PDSS1: variants seen among roughly 807,000 people sequenced by gnomAD.
PDSS1 encodes the protein all trans-polyprenyl-diphosphate synthase PDSS1.
A neutral mutation model predicts 57.5 loss-of-function variants in PDSS1; 43 were observed. The observed-to-expected ratio is 0.75, with a 90% CI of 0.59 to 0.96. The LOEUF is 0.96. Among genes scored for constraint, PDSS1 ranks in the 50% least tolerant of loss-of-function variants. The pLI, the probability that PDSS1 is intolerant of heterozygous loss-of-function variation, is 0.00. For missense variants in PDSS1, 438 were observed against 527.8 expected (o/e 0.83, Z 1.67); for synonymous variants, 175 against 191.3 (o/e 0.91, Z 0.70).
At chr10:26,726,529 C>T (rs914039841) in intron 8 of PDSS1, among the ~76,000 whole-genome samples, 1 of 151,954 alleles carries the variant, frequency 6.6e-6, no homozygotes, top group Non-Finnish European at 1.5e-5. Context: ...TAAATGCATG[C>T]AAAGCAAATT....
intron 10 of PDSS1, among the ~76,000 whole-genome samples, chr10:26,739,543 G>T (rs1321270315): frequency 6.6e-6 from 1 of 152,108 alleles, no homozygotes; most frequent in Non-Finnish European, 1.5e-5. Context: ...TATAGTAAAA[G>T]CATCAGTGAA....
intron 6 of PDSS1, 74 bp from the exon 7 acceptor site, chr10:26,723,732 G>C: frequency 9.8e-7 from 1 of 1,015,858 alleles, no homozygotes. Flanking sequence ...CTCCCTTCCA[G>C]TCAGTTTCAT....
At position 26,712,661 on chromosome 10, in the gene PDSS1, T is replaced by C. The variant is rs767023597; in HGVS notation, c.467+2893T>C. ...ACTAAATATGTAGGTATTATTTCCA[T>C]GCCACTTAAGAAGAAGGGATGAGGC... is the stretch of plus-strand genomic sequence containing the variant. On this transcript the variant is annotated intron_variant, in intron 5 of 11. Coordinates refer to ENST00000376215, the MANE Select transcript of PDSS1 (RefSeq NM_014317.5). Among the ~76,000 whole-genome samples, 7 of 99,230 alleles carry C rather than the reference T, an allele frequency of 7.1e-5. 3 individuals carry two copies. Among genetic ancestry groups the C allele is most frequent in the African/African-American group, 1.6e-4 (5 of 30,524 alleles). The allele number at this position is 99,230 out of a possible 152,430, so 65.1% of individuals were successfully genotyped here. A position where few individuals can be genotyped will look rare whatever the true frequency, so the allele number is the denominator to read the frequency against.
rs776130445 is a variant in PDSS1, at chr10:26,723,895, A to T, written c.699A>T (p.Gln233His). 6.2e-7 allele frequency: 1 copy of T among 1,611,322 alleles called. No homozygotes were observed. Among genetic ancestry groups the T allele is most frequent in the Non-Finnish European group, 8.5e-7 (1 of 1,177,422 alleles). The change falls in exon 7 of 12, where the codon CAA becomes CAT. Residue 233 changes from glutamine to histidine, a missense_variant. Around this residue, in one of 2 missense-constraint regions of PDSS1, gnomAD observed 284 missense variants for 390.7 expected, o/e 0.73. Coordinates refer to ENST00000376215, the MANE Select transcript of PDSS1 (RefSeq NM_014317.5). ...GNTTVISILT[Q>H]VIEDLVRGEF... ...CAACTGTTATATCTATTTTAACCCA[A>T]GTTATTGAAGATTTGGTGCGTGGTA... is the stretch of plus-strand genomic sequence containing the variant.
intron 4 of PDSS1, among the ~76,000 whole-genome samples, chr10:26,706,007 C>T (rs1398967981): frequency 6.6e-6 from 1 of 152,236 alleles, no homozygotes; most frequent in African/African-American, 2.4e-5. Flanking sequence ...CTCCCAGTGA[C>T]TCCAGCTGTC....
In PDSS1 at chr10:26,711,186, C is replaced by T. The variant is rs1835399360; in HGVS notation, c.467+1418C>T. 2.0e-5 allele frequency among the ~76,000 whole-genome samples: 2 copies of T among 99,706 alleles called. 1 individual carries two copies. Among genetic ancestry groups the T allele is most frequent in the South Asian group, 5.3e-4 (2 of 3,748 alleles). 65.4% of individuals were successfully genotyped at this position (99,706 alleles called of 152,430 possible). A position where few individuals can be genotyped will look rare whatever the true frequency, so the allele number is the denominator to read the frequency against. ...AAAATAAATTAATGAAATGTCTTCACAATTACATCATATAATCTATTGATG... is the reference window on the plus strand; with the variant it reads ...AAAATAAATTAATGAAATGTCTTCATAATTACATCATATAATCTATTGATG... On this transcript the variant is annotated intron_variant, in intron 5 of 11. Coordinates refer to ENST00000376215, the MANE Select transcript of PDSS1 (RefSeq NM_014317.5).
intron 5 of PDSS1, among the ~76,000 whole-genome samples, chr10:26,719,615 A>C (rs1267778054): frequency 1.3e-5 from 2 of 152,136 alleles, no homozygotes; most frequent in Admixed American, 6.5e-5. Flanking sequence ...TAAAAATATA[A>C]AATTTAGCTG....
intron 11 of PDSS1, among the ~76,000 whole-genome samples, chr10:26,746,107 C>T (rs547125612): frequency 6.6e-6 from 1 of 152,134 alleles, no homozygotes; most frequent in African/African-American, 2.4e-5. Flanking sequence ...GAGCTAGTTG[C>T]TTTGCATGCT....
rs750246191 is a variant in PDSS1 at position 26,746,435 on chromosome 10, A to G, written c.1210A>G (p.Ile404Val). The change falls in exon 12 of 12, where the codon ATT (isoleucine) becomes GTT (valine). Residue 404 changes from isoleucine to valine, a missense_variant. Coordinates refer to ENST00000376215, the MANE Select transcript of PDSS1 (RefSeq NM_014317.5). The stretch of plus-strand genomic sequence containing the variant: ...ACCATCCCCAGAAAGAGATGCCCTC[A>G]TTCAGCTTTCAGAAATTGTACTCAC... ...LRPSPERDAL[I>V]QLSEIVLTRD... 6.2e-7 allele frequency: 1 copy of G among 1,614,052 alleles called. No individual in the cohort carries two copies. Among genetic ancestry groups the G allele is most frequent in the East Asian group, 2.2e-5 (1 of 44,870 alleles).
intron 8 of PDSS1, among the ~76,000 whole-genome samples, chr10:26,725,022 C>T (rs1835907458): frequency 1.3e-5 from 2 of 151,464 alleles, no homozygotes; most frequent in South Asian, 4.1e-4. Flanking sequence ...CACATGTATA[C>T]ATTTTTTTTT....
chr10:26,712,687 T>C, intron 5 of PDSS1, among the ~76,000 whole-genome samples: 1 of 99,042 alleles, frequency 1.0e-5, no homozygotes, highest in Non-Finnish European at 2.3e-5. Context: ...GGGATGAGGC[T>C]TCTGGAGAGC....
rs1187110668 is a variant in PDSS1 at position 26,746,770 on chromosome 10, CAAAT to C, written c.*304_*307del. ...AATATCCACATGTAAGGCCATTACA[CAAAT>C]AAATAACCAATGTTAAAATTCAAAT... is the stretch of plus-strand genomic sequence containing the variant. On this transcript the variant is annotated 3_prime_UTR_variant, in exon 12 of 12. Coordinates refer to ENST00000376215, the MANE Select transcript of PDSS1 (RefSeq NM_014317.5). 2 of 419,156 alleles carry C rather than the reference CAAAT, an allele frequency of 4.8e-6. No individual in the cohort carries two copies. The highest frequency in any genetic ancestry group is 4.0e-5 in the African/African-American group (2 of 50,376). 26.0% of individuals were successfully genotyped at this position (419,156 alleles called of 1,614,324 possible).
At chr10:26,706,935 T>A (rs1451675332) in intron 4 of PDSS1, among the ~76,000 whole-genome samples, 1 of 152,174 alleles carries the variant, frequency 6.6e-6, no homozygotes, top group African/African-American at 2.4e-5. Flanking sequence ...AGAAAGTTTA[T>A]TATTAAGTGT....
intron 11 of PDSS1, among the ~76,000 whole-genome samples, chr10:26,745,234 G>A (rs894046223): frequency 1.3e-5 from 2 of 152,128 alleles, no homozygotes; most frequent in Non-Finnish European, 2.9e-5. Flanking sequence ...TAGAATTATA[G>A]TATATGACTT....
Position 26,697,708 on chromosome 10 carries a change from G to A in PDSS1, c.-4G>A, listed in dbSNP as rs1297652913. The A allele has an allele frequency of 2.5e-5, 33 of 1,295,892 alleles. No homozygotes were observed. The highest frequency in any genetic ancestry group is 3.9e-6 in the Non-Finnish European group (4 of 1,025,322). The allele number at this position is 1,295,892 out of a possible 1,614,324, so 80.3% of individuals were successfully genotyped here. On this transcript the variant is annotated 5_prime_UTR_variant, in exon 1 of 12. Transcript: ENST00000376215. ...CGCCCTGCCGCGACTTTCAGACTCC[G>A]ACCATGGCCTCGCGCTGGTGGCGGT... is the stretch of plus-strand genomic sequence containing the variant.
intron 1 of PDSS1, among the ~76,000 whole-genome samples, chr10:26,698,961 A>G (rs1228654848): frequency 6.6e-6 from 1 of 152,148 alleles, no homozygotes; most frequent in Non-Finnish European, 1.5e-5. Flanking sequence ...CTGTCTCTAT[A>G]AAAAATAGAA....
intron 4 of PDSS1, among the ~76,000 whole-genome samples, chr10:26,708,186 C>T (rs2132227470): frequency 6.6e-6 from 1 of 152,300 alleles, no homozygotes; most frequent in South Asian, 2.1e-4. Flanking sequence ...TGTTACAGTG[C>T]CTGGCACTAA....
intron 10 of PDSS1, among the ~76,000 whole-genome samples, chr10:26,737,788 G>C (rs1309713160): frequency 8.3e-6 from 1 of 120,078 alleles, no homozygotes; most frequent in Non-Finnish European, 1.8e-5. Context: ...GAAAAAAAAA[G>C]ATTACTGTAC....
At position 26,704,809 on chromosome 10, in the gene PDSS1, T is replaced by A. The variant is rs59944914; in HGVS notation, c.227+68T>A. On this transcript the variant is annotated intron_variant, in intron 3 of 11. Transcript: ENST00000376215. ...TTTAAATTTATTGTTGTTTAAAAAA[T>A]TTTTTTTGTAGCGATGGGGAGCTCA... The A allele has an allele frequency of 0.011, 9,320 of 879,452 alleles. 537 individuals are homozygous for A. In the African/African-American group the frequency reaches 0.13, roughly 12 times the overall value. The allele number at this position is 879,452 out of a possible 1,614,324, so 54.5% of individuals were successfully genotyped here. A position where few individuals can be genotyped will look rare whatever the true frequency, so the allele number is the denominator to read the frequency against.
Sources: allele counts gnomAD v4.1 joint callset (sites outside exome capture counted in the v4.1 genomes callset), GRCh38; gene constraint gnomAD v4.1.1; regional missense constraint gnomAD v4.1.1; transcripts MANE v1.5; gene names NCBI Gene and HGNC (gene_info 2026-07-23, HGNC 2026-07-21).